Variants in CYTH4 observed in about 807,000 individuals in gnomAD.
CYTH4 encodes the protein cytohesin-4.
In CYTH4, 22 loss-of-function variants were observed where a neutral mutation model predicts 57.5. That is an observed-to-expected ratio of 0.38 (90% confidence interval 0.27 to 0.55). The LOEUF (loss-of-function observed/expected upper bound fraction) is 0.55. Among genes scored for constraint, CYTH4 ranks in the 20% least tolerant of loss-of-function variants. CYTH4 has a pLI of 0.74. For synonymous variants in CYTH4, 186 were observed against 206.5 expected, an observed-to-expected ratio of 0.90 and a Z score of 0.85; for missense variants, 420 against 535.6, an observed-to-expected ratio of 0.78 and a Z score of 2.13.
chr22:37,282,541 C>T lies in CYTH4; in HGVS notation c.-29C>T, dbSNP rs370636470. 3 of 1,613,646 alleles carry T rather than the reference C, an allele frequency of 1.9e-6. No homozygotes were observed. Among genetic ancestry groups the T allele is most frequent in the Non-Finnish European group, 1.7e-6 (2 of 1,179,836 alleles). ...GCTGGGTCGGCAAGCGACAGGAGCACGGGTCATCTTTTCCCCAGAGGCGTC... is the reference window on the plus strand; with the variant it reads ...GCTGGGTCGGCAAGCGACAGGAGCATGGGTCATCTTTTCCCCAGAGGCGTC... On this transcript the variant is annotated 5_prime_UTR_variant, in exon 1 of 13. It adds an upstream start codon to the 5' untranslated region. Transcript: ENST00000248901.
At position 37,311,982 on chromosome 22, in the gene CYTH4, C is replaced by G. The variant is rs1215910536; in HGVS notation, c.958-38C>G. On this transcript the variant is annotated intron_variant, in intron 11 of 12. Transcript: ENST00000248901. This position sits in a 1 kb window ranked among gnomAD's most constrained non-coding sequence, Gnocchi z 4.4. Reference sequence around the variant, plus strand: ...GCCTCCTGGAGGGCCCACCCAGCCTCCCTCTCTTCCCACCCTTGCCTGGCC... The same window carrying G: ...GCCTCCTGGAGGGCCCACCCAGCCTGCCTCTCTTCCCACCCTTGCCTGGCC... 3 of 1,600,036 alleles carry G rather than the reference C, an allele frequency of 1.9e-6. No homozygotes were observed. The highest frequency in any genetic ancestry group is 2.6e-6 in the Non-Finnish European group (3 of 1,170,484).
chr22:37,311,983 C>G lies in CYTH4; in HGVS notation c.958-37C>G. ...CCTCCTGGAGGGCCCACCCAGCCTC[C>G]CTCTCTTCCCACCCTTGCCTGGCCA... On this transcript the variant is annotated intron_variant, in intron 11 of 12. Transcript: ENST00000248901. This position sits in a 1 kb window ranked among gnomAD's most constrained non-coding sequence, Gnocchi z 4.4. 6.2e-7 allele frequency: 1 copy of G among 1,600,408 alleles called. No individual in the cohort carries two copies. Among genetic ancestry groups the G allele is most frequent in the East Asian group, 2.2e-5 (1 of 44,616 alleles).
At chr22:37,292,807 C>A (rs1601699338) in intron 2 of CYTH4, 104 bp downstream of exon 2, 2 of 1,177,552 alleles carry the variant, frequency 1.7e-6, no homozygotes, top group East Asian at 5.1e-5. Context: ...GACAGTGTGG[C>A]CAACTCTGGC....
At chr22:37,310,051 T>C (rs766345721) in intron 9 of CYTH4, 1 of 466,352 alleles carries the variant, frequency 2.1e-6, no homozygotes, top group Admixed American at 2.4e-5. Flanking sequence ...AGATGCCTCA[T>C]GTTGAAGCAG....
chr22:37,302,866 T>C (rs1929232165), intron 7 of CYTH4, among the ~76,000 whole-genome samples: 1 of 151,708 alleles, frequency 6.6e-6, no homozygotes. Flanking sequence ...TAACAATGAG[T>C]GTTCTTCTCC....
rs372650676 is a variant in CYTH4 at position 37,283,097 on chromosome 22, G to A, written c.19+509G>A. ...ATGATGATGGGATGTTGGTGATGGC[G>A]ATGCTTGTCTGGGTGATACAAGGGC... On this transcript the variant is annotated intron_variant, in intron 1 of 12. Coordinates refer to ENST00000248901, the MANE Select transcript of CYTH4 (RefSeq NM_013385.5). 6.6e-5 allele frequency among the ~76,000 whole-genome samples: 10 copies of A among 152,290 alleles called. No individual in the cohort carries two copies. The East Asian group carries it at 1.2e-3, about 18-fold the overall frequency.
In CYTH4 at chr22:37,313,322, G is replaced by A. The variant is rs147108408; in HGVS notation, c.1113-117G>A. 2,094 of 1,008,008 alleles carry A rather than the reference G, an allele frequency of 2.1e-3. 10 individuals are homozygous for A. Among genetic ancestry groups the A allele is most frequent in the Non-Finnish European group, 2.7e-3 (1,777 of 651,348 alleles). The allele number at this position is 1,008,008 out of a possible 1,614,324, so 62.4% of individuals were successfully genotyped here. On this transcript the variant is annotated intron_variant, in intron 12 of 12. Transcript: ENST00000248901. Reference sequence around the variant, plus strand: ...GTTGGGGCCATCTGGCCTTTCCCCCGCGGCAGAGCAGGCTGACACCTCCCT... The same window carrying A: ...GTTGGGGCCATCTGGCCTTTCCCCCACGGCAGAGCAGGCTGACACCTCCCT...
Position 37,292,437 on chromosome 22 carries a change from G to A in CYTH4, c.20-184G>A, listed in dbSNP as rs568909770. The A allele has an allele frequency of 3.9e-5, 23 of 584,934 alleles. No homozygotes were observed. In the African/African-American group the frequency reaches 4.3e-4, roughly 11 times the overall value. 36.2% of individuals were successfully genotyped at this position (584,934 alleles called of 1,614,324 possible). On this transcript the variant is annotated intron_variant, in intron 1 of 12. Transcript: ENST00000248901. ...GGGGGGTGGGAGAAACAGGAAGCAG[G>A]GCAGGAGAGGAGGGAGCAGGGGCTG...
chr22:37,291,569 C>G (rs929332223), intron 1 of CYTH4, among the ~76,000 whole-genome samples: 1 of 152,188 alleles, frequency 6.6e-6, no homozygotes, highest in Non-Finnish European at 1.5e-5. Context: ...GGGACTGAGT[C>G]CTGGATGGCT....
At chr22:37,286,968 T>C (rs921884608) in intron 1 of CYTH4, among the ~76,000 whole-genome samples, 2 of 151,656 alleles carry the variant, frequency 1.3e-5, no homozygotes, top group Non-Finnish European at 2.9e-5. Context: ...GGGAAAGAAA[T>C]AGACAGGACT....
At chr22:37,307,611 A>G (rs1018675109) in intron 8 of CYTH4, among the ~76,000 whole-genome samples, 4 of 152,220 alleles carry the variant, frequency 2.6e-5, no homozygotes, top group Non-Finnish European at 5.9e-5. Flanking sequence ...AGCAAGCTCC[A>G]TTTCTAAAAC....
chr22:37,307,814 A>G (rs1285852894), intron 8 of CYTH4, among the ~76,000 whole-genome samples: 1 of 152,240 alleles, frequency 6.6e-6, no homozygotes, highest in African/African-American at 2.4e-5. Context: ...ACACTTGGCA[A>G]TCTAGGCAGG....
Position 37,311,061 on chromosome 22 carries a change from C to T in CYTH4, c.882C>T (p.Thr294=). Residue 294 remains threonine, a synonymous_variant, in exon 10 of 13, where the codon ACC becomes ACT. Transcript: ENST00000248901. This position sits in a 1 kb window ranked among gnomAD's most constrained non-coding sequence, Gnocchi z 4.4. ...TDNCLYYFEF[T]TDKEPRGIIP... ...ACTGCCTCTACTACTTCGAGTTCAC[C>T]ACTGTGAGCAGGGTTCTCCTGGGCC... The T allele has an allele frequency of 5.0e-6, 8 of 1,614,194 alleles. No homozygotes were observed. The highest frequency in any genetic ancestry group is 6.8e-6 in the Non-Finnish European group (8 of 1,180,022).
At chr22:37,287,898 T>C (rs5756592) in intron 1 of CYTH4, among the ~76,000 whole-genome samples, 106,200 of 152,026 alleles carry the variant, frequency 0.7, 37,429 homozygotes, top group South Asian at 0.8. Context: ...TAACGGGTCA[T>C]AAGACTCTTG....
intron 8 of CYTH4, among the ~76,000 whole-genome samples, chr22:37,306,436 G>T (rs1240896296): frequency 6.6e-6 from 1 of 152,222 alleles, no homozygotes. Context: ...TACAGCAGAG[G>T]ACACTGAGCT....
chr22:37,310,993 C>T lies in CYTH4; in HGVS notation c.814C>T (p.Arg272Cys), dbSNP rs1017389661. The change falls in exon 10 of 13, where the codon CGC (arginine) becomes TGC (cysteine). Residue 272 changes from arginine (R) to cysteine (C), a missense_variant. Transcript: ENST00000248901. ...GCTACATTGGCCTTGCGCAGGGGGC[C>T]GCGTGAAGACGTGGAAACGGCGCTG... Reference protein sequence around the residue: ...REGWLLKLGGRVKTWKRRWFI... With the variant: ...REGWLLKLGGCVKTWKRRWFI... 6.2e-7 allele frequency: 1 copy of T among 1,613,984 alleles called. No homozygotes were observed. The highest frequency in any genetic ancestry group is 8.5e-7 in the Non-Finnish European group (1 of 1,180,024).
At chr22:37,285,375 A>AT (rs1928517055) in intron 1 of CYTH4, among the ~76,000 whole-genome samples, 1 of 147,486 alleles carries the variant, frequency 6.8e-6, no homozygotes, top group Non-Finnish European at 1.5e-5. Context: ...GGTGGTGGTA[A>AT]TTTTATTATT....
At chr22:37,308,499 CATGT>C (rs1163218511) in intron 8 of CYTH4, among the ~76,000 whole-genome samples, 9 of 151,192 alleles carry the variant, frequency 6.0e-5, no homozygotes, top group African/African-American at 1.7e-4. Context: ...CATGTGTGTA[CATGT>C]ATGTGTGAGC....
At chr22:37,284,166 G>A (rs1005901087) in intron 1 of CYTH4, among the ~76,000 whole-genome samples, 13 of 152,284 alleles carry the variant, frequency 8.5e-5, no homozygotes, top group African/African-American at 2.9e-4. Flanking sequence ...TGCTTCAGCC[G>A]GTACTAGGGA....
Sources: gnomAD v4.1 joint callset for allele counts (sites outside exome capture counted in the v4.1 genomes callset) on GRCh38, gnomAD v4.1.1 for gene constraint, Gnocchi (gnomAD v3.1) non-coding constraint, MANE v1.5 for transcripts, NCBI Gene and HGNC (gene_info 2026-07-23, HGNC 2026-07-21) for gene names.